The following PPA2 variants were observed in gnomAD, a reference collection of about 807,000 sequenced individuals.
The protein encoded by PPA2 is inorganic pyrophosphatase 2.
A neutral mutation model predicts 49.5 loss-of-function variants in PPA2; 48 were observed. The observed-to-expected ratio is 0.97, with a 90% confidence interval of 0.77 to 1.23. The LOEUF (loss-of-function observed/expected upper bound fraction) is 1.23. Ranked by LOEUF, PPA2 falls within the 50% of genes most tolerant of loss-of-function variation. The probability of loss-of-function intolerance (pLI) is 0.00; values close to 1 mark genes in which losing one functional copy is unlikely to be tolerated. For synonymous variants in PPA2, 131 were observed against 139.9 expected (o/e 0.94, Z 0.45); for missense variants, 429 against 410.1 (o/e 1.05, Z -0.40).
At chr4:105,466,701 C>A (rs1469897335) in intron 1 of PPA2, among the ~76,000 whole-genome samples, 5 of 152,188 alleles carry the variant, frequency 3.3e-5, no homozygotes, top group Non-Finnish European at 7.3e-5. Context: ...AAGACAAATG[C>A]ACGGTTTGAC....
At chr4:105,410,199 C>T (rs996583228) in intron 7 of PPA2, among the ~76,000 whole-genome samples, 6 of 152,172 alleles carry the variant, frequency 3.9e-5, no homozygotes, top group Non-Finnish European at 7.4e-5. Flanking sequence ...CTAGAATAAA[C>T]AGTGTAGAGA....
chr4:105,427,379 G>A (rs1267052021), intron 6 of PPA2, among the ~76,000 whole-genome samples: 1 of 152,072 alleles, frequency 6.6e-6, no homozygotes, highest in Non-Finnish European at 1.5e-5. Context: ...GGCTTCAGAA[G>A]GTCGATAATA....
At chr4:105,370,812 C>T (rs778466497) in intron 11 of PPA2, 25 bp downstream of exon 11, 241 of 1,401,860 alleles carry the variant, frequency 1.7e-4, no homozygotes, top group Non-Finnish European at 2.1e-4. Context: ...ACATGTTACT[C>T]TTAATGAATC....
Position 105,473,948 on chromosome 4 carries a change from A to G in PPA2, c.103T>C (p.Tyr35His). 2 of 1,612,614 alleles carry G rather than the reference A, an allele frequency of 1.2e-6. No individual in the cohort carries two copies. Among genetic ancestry groups the G allele is most frequent in the Non-Finnish European group, 1.7e-6 (2 of 1,179,572 alleles). ...GTGSRRAMAL[Y>H]HTEERGQPCS... Reference sequence around the variant, plus strand: ...GGCTGGCCGCGCTCCTCAGTGTGGTACAGGGCCATAGCACGGCGCGACCCG... The same window carrying G: ...GGCTGGCCGCGCTCCTCAGTGTGGTGCAGGGCCATAGCACGGCGCGACCCG... The change falls in exon 1 of 12, where the codon TAC becomes CAC. Residue 35 changes from tyrosine (Y) to histidine (H), a missense_variant. Tyr to His is a moderately conservative substitution (Grantham distance 83, BLOSUM62 2). Transcript: ENST00000341695.
intron 3 of PPA2, among the ~76,000 whole-genome samples, chr4:105,449,894 A>C (rs1722594700): frequency 6.6e-6 from 1 of 152,244 alleles, no homozygotes; most frequent in African/African-American, 2.4e-5. Flanking sequence ...ATAATAATTA[A>C]ATCCAAGTTA....
chr4:105,403,203 G>GT (rs150148540), intron 7 of PPA2, among the ~76,000 whole-genome samples: 9,810 of 151,470 alleles, frequency 0.065, 718 homozygotes, highest in African/African-American at 0.18. Flanking sequence ...TTTTTTGTTT[G>GT]TTTGTTTTCC....
intron 3 of PPA2, among the ~76,000 whole-genome samples, chr4:105,450,601 C>CTTTTATTTTTTTTTTT (rs1722628449): frequency 1.2e-5 from 1 of 82,678 alleles, no homozygotes; most frequent in East Asian, 3.9e-4. Flanking sequence ...GTCTGGAATT[C>CTTTTATTTTTTTTTTT]TTTTTTTTTT....
chr4:105,423,907 T>C (rs908601369), intron 7 of PPA2, among the ~76,000 whole-genome samples: 8 of 151,728 alleles, frequency 5.3e-5, no homozygotes, highest in African/African-American at 9.7e-5. Context: ...CCAACAGCAG[T>C]TGGACCATCA....
At chr4:105,454,944 A>G (rs1167343130) in intron 2 of PPA2, among the ~76,000 whole-genome samples, 2 of 152,144 alleles carry the variant, frequency 1.3e-5, no homozygotes, top group Non-Finnish European at 2.9e-5. Context: ...CTTTATTATT[A>G]TTGTTGTTAT....
intron 9 of PPA2, among the ~76,000 whole-genome samples, chr4:105,392,014 T>C (rs1733942061): frequency 6.7e-6 from 1 of 149,882 alleles, no homozygotes; most frequent in African/African-American, 2.4e-5. Context: ...GACAGATGGA[T>C]CAAAATAAAT....
At chr4:105,442,595 A>T (rs951971426) in intron 5 of PPA2, among the ~76,000 whole-genome samples, 2 of 152,202 alleles carry the variant, frequency 1.3e-5, no homozygotes, top group Non-Finnish European at 2.9e-5. Flanking sequence ...AACCCATTAC[A>T]TGTGGGCAAT....
At chr4:105,394,146 C>T (rs1015487181) in intron 9 of PPA2, among the ~76,000 whole-genome samples, 9 of 152,022 alleles carry the variant, frequency 5.9e-5, no homozygotes, top group Non-Finnish European at 4.4e-5. Context: ...GTGGGCGGAT[C>T]ACTTGAGGCC....
At chr4:105,388,689 G>A (rs1394856996) in intron 9 of PPA2, among the ~76,000 whole-genome samples, 1 of 152,078 alleles carries the variant, frequency 6.6e-6, no homozygotes, top group Non-Finnish European at 1.5e-5. Context: ...GCCAGGCATG[G>A]TGGCACACAC....
chr4:105,401,269 C>A (rs1413438653), intron 7 of PPA2, among the ~76,000 whole-genome samples: 2 of 152,070 alleles, frequency 1.3e-5, no homozygotes, highest in Non-Finnish European at 2.9e-5. Flanking sequence ...AAAAGGCTTG[C>A]CAAAATCTAT....
intron 7 of PPA2, among the ~76,000 whole-genome samples, chr4:105,413,258 G>T (rs1481779741): frequency 1.3e-5 from 2 of 151,570 alleles, no homozygotes; most frequent in Non-Finnish European, 2.9e-5. Context: ...TCATAGGTGG[G>T]AGTTGAACAA....
chr4:105,373,749 T>C (rs1733122332), intron 10 of PPA2, among the ~76,000 whole-genome samples: 1 of 131,518 alleles, frequency 7.6e-6, no homozygotes, highest in Non-Finnish European at 1.6e-5. Flanking sequence ...TACAAAGCCA[T>C]ATGATATATA....
In PPA2 at chr4:105,369,100, G is replaced by C. The variant is rs1732916893; in HGVS notation, c.*625C>G. On this transcript the variant is annotated 3_prime_UTR_variant, in exon 12 of 12. Coordinates refer to ENST00000341695, the MANE Select transcript of PPA2 (RefSeq NM_176869.3). ...TCTACACAAAGTTTATTAATTTATTGAATCTGTGATTTTTACATCCAATCT... is the reference window on the plus strand; with the variant it reads ...TCTACACAAAGTTTATTAATTTATTCAATCTGTGATTTTTACATCCAATCT... 1 of 152,124 alleles carries C rather than the reference G, an allele frequency of 6.6e-6. No homozygotes were observed. The highest frequency in any genetic ancestry group is 1.5e-5 in the Non-Finnish European group (1 of 68,020). 9.4% of individuals were successfully genotyped at this position (152,124 alleles called of 1,614,324 possible).
At chr4:105,389,824 A>T (rs1733834530) in intron 9 of PPA2, among the ~76,000 whole-genome samples, 1 of 152,208 alleles carries the variant, frequency 6.6e-6, no homozygotes, top group Non-Finnish European at 1.5e-5. Context: ...GCAAAGAGAA[A>T]ATTTAAAGAG....
In PPA2 at chr4:105,470,896, G is replaced by A. The variant is rs1357993121; in HGVS notation, c.157+2998C>T. On this transcript the variant is annotated intron_variant, in intron 1 of 11. Coordinates refer to ENST00000341695, the MANE Select transcript of PPA2 (RefSeq NM_176869.3). Reference sequence around the variant, plus strand: ...GTCAGGACTACAACTTAAGTGGTTTGACTATTAGTTTAGAACTGTTACAGC... The same window carrying A: ...GTCAGGACTACAACTTAAGTGGTTTAACTATTAGTTTAGAACTGTTACAGC... Among the ~76,000 whole-genome samples, 16 of 152,196 alleles carry A rather than the reference G, an allele frequency of 1.1e-4. 1 individual carries two copies. Among genetic ancestry groups the A allele is most frequent in the Admixed American group, 1.0e-3 (16 of 15,288 alleles).
Sources: allele counts gnomAD v4.1 joint callset (sites outside exome capture counted in the v4.1 genomes callset), GRCh38; gene constraint gnomAD v4.1.1; transcripts MANE v1.5; gene names NCBI Gene and HGNC (gene_info 2026-07-23, HGNC 2026-07-21).